CAPN8: variants seen among roughly 807,000 people sequenced by gnomAD.
CAPN8 encodes calpain 8, also known as calpain-8.
A neutral mutation model predicts 80.9 loss-of-function variants in CAPN8; 87 were observed. That is an observed-to-expected ratio of 1.07 (90% CI 0.90 to 1.28). CAPN8 has a LOEUF of 1.28. CAPN8 is among the 50% of genes most tolerant of loss of function. CAPN8 has a pLI of 0.00. For missense variants in CAPN8, 757 were observed against 702.0 expected (o/e 1.08, Z -0.89); for synonymous variants, 299 against 273.8 (o/e 1.09, Z -0.91).
Position 223,622,805 on chromosome 1 carries a change from A to G in CAPN8, c.899+10T>C, listed in dbSNP as rs371398112. Reference sequence around the variant, plus strand: ...AGAGATGACTGGAGAAGCGGGGGAAAAAAACCTACTCATCGCTCCAGGCTC... The same window carrying G: ...AGAGATGACTGGAGAAGCGGGGGAAGAAAACCTACTCATCGCTCCAGGCTC... On this transcript the variant is annotated intron_variant, in intron 7 of 20. Coordinates refer to ENST00000366872, the MANE Select transcript of CAPN8 (RefSeq NM_001143962.2). The G allele has an allele frequency of 2.1e-5, 33 of 1,550,674 alleles. No individual in the cohort carries two copies. In the East Asian group the frequency reaches 2.9e-4, roughly 14 times the overall value.
chr1:223,545,023 C>A lies in CAPN8; in HGVS notation c.1834-173G>T, dbSNP rs573952339. 1.4e-5 allele frequency: 20 copies of A among 1,414,836 alleles called. No individual in the cohort carries two copies. In the South Asian group the frequency reaches 2.0e-4, roughly 14 times the overall value. 87.6% of individuals were successfully genotyped at this position (1,414,836 alleles called of 1,614,324 possible). ...AGCATAAGAGCTTGGCCAGTGCTGG[C>A]CCCTTTGCTGTCTGAACAGCAGGGC... On this transcript the variant is annotated intron_variant, in intron 17 of 20. Transcript: ENST00000366872.
chr1:223,614,201 C>T (rs1376758497), intron 10 of CAPN8, among the ~76,000 whole-genome samples: 1 of 152,134 alleles, frequency 6.6e-6, no homozygotes, highest in Admixed American at 6.5e-5. Context: ...GAATTTGAGA[C>T]CAGCCTGGCC....
intron 14 of CAPN8, among the ~76,000 whole-genome samples, chr1:223,551,351 C>G (rs1018056113): frequency 6.6e-6 from 1 of 152,200 alleles, no homozygotes; most frequent in African/African-American, 2.4e-5. Context: ...CCATGTTGGC[C>G]AGGATGATCT....
intron 14 of CAPN8, among the ~76,000 whole-genome samples, chr1:223,551,255 G>T (rs1436717001): frequency 6.6e-6 from 1 of 152,116 alleles, no homozygotes; most frequent in African/African-American, 2.4e-5. Flanking sequence ...CAATTCTCCT[G>T]CCTCAGCCTC....
intron 2 of CAPN8, among the ~76,000 whole-genome samples, chr1:223,629,123 A>T (rs1348515402): frequency 6.6e-6 from 1 of 151,994 alleles, no homozygotes. Context: ...TTGGTCCCTT[A>T]TTAGCAGCTC....
intron 8 of CAPN8, among the ~76,000 whole-genome samples, chr1:223,619,891 G>T (rs34186371): frequency 6.6e-6 from 1 of 152,042 alleles, no homozygotes; most frequent in Non-Finnish European, 1.5e-5. Context: ...CCATATTGAT[G>T]GTAGGTAAAT....
chr1:223,550,896 C>A (rs1374104744), intron 15 of CAPN8, 64 bp downstream of exon 15: 1 of 704,696 alleles, frequency 1.4e-6, no homozygotes, highest in East Asian at 2.7e-5. Flanking sequence ...GCCTGCCTAC[C>A]CATCCCTCAC....
Position 223,627,996 on chromosome 1 carries a change from T to C in CAPN8, c.560+13A>G. The C allele has an allele frequency of 6.5e-7, 1 of 1,526,988 alleles. No individual in the cohort carries two copies. Among genetic ancestry groups the C allele is most frequent in the South Asian group, 1.2e-5 (1 of 81,920 alleles). 94.6% of individuals were successfully genotyped at this position (1,526,988 alleles called of 1,614,324 possible). A position where few individuals can be genotyped will look rare whatever the true frequency, so the allele number is the denominator to read the frequency against. On this transcript the variant is annotated intron_variant, in intron 4 of 20. Transcript: ENST00000366872. ...GCTCTGGCGTCTCCCAGCTCCTGGC[T>C]TCCCCCACTTACTTGGCATAGGCTT...
At chr1:223,549,177 A>G in intron 16 of CAPN8, 141 bp downstream of exon 16, 2 of 1,103,924 alleles carry the variant, frequency 1.8e-6, no homozygotes, top group Non-Finnish European at 1.3e-6. Flanking sequence ...TTCAAGTACA[A>G]TCCTTGACAT....
intron 11 of CAPN8, 45 bp downstream of exon 11, chr1:223,612,201 G>A (rs1657045685): frequency 8.1e-7 from 1 of 1,233,540 alleles, no homozygotes; most frequent in Non-Finnish European, 1.0e-6. Context: ...AGGCAGCCAA[G>A]CTATTTCTCA....
chr1:223,655,268 T>A (rs1053238828), intron 1 of CAPN8, among the ~76,000 whole-genome samples: 7 of 152,154 alleles, frequency 4.6e-5, no homozygotes, highest in African/African-American at 1.7e-4. Context: ...GTACCATGTA[T>A]CCTGAGATGA....
At chr1:223,546,673 A>G (rs769998265) in intron 16 of CAPN8, among the ~76,000 whole-genome samples, 4 of 152,094 alleles carry the variant, frequency 2.6e-5, no homozygotes, top group Non-Finnish European at 4.4e-5. Flanking sequence ...TAATTATCCC[A>G]TTTTCCAGGA....
intron 2 of CAPN8, among the ~76,000 whole-genome samples, chr1:223,650,484 A>T (rs150918231): frequency 4.6e-5 from 7 of 152,322 alleles, no homozygotes; most frequent in South Asian, 2.1e-4. Context: ...CTTTTCTGAG[A>T]TCTGTAAAAC....
At chr1:223,620,940 T>C (rs1489723154) in intron 7 of CAPN8, among the ~76,000 whole-genome samples, 1 of 147,980 alleles carries the variant, frequency 6.8e-6, no homozygotes, top group Non-Finnish European at 1.5e-5. Context: ...GACATCTAAG[T>C]AACAGAGCAG....
intron 6 of CAPN8, 98 bp from the exon 7 acceptor site, chr1:223,622,998 A>G: frequency 1.0e-6 from 1 of 956,382 alleles, no homozygotes; most frequent in Non-Finnish European, 1.6e-6. Flanking sequence ...AATTTTTCAA[A>G]TGTCCCTAAA....
chr1:223,645,728 A>T (rs1437580237), intron 2 of CAPN8, among the ~76,000 whole-genome samples: 2 of 152,198 alleles, frequency 1.3e-5, no homozygotes, highest in Admixed American at 1.3e-4. Flanking sequence ...ATCAGGGACC[A>T]AGGTTGAGCA....
intron 2 of CAPN8, among the ~76,000 whole-genome samples, chr1:223,649,823 G>A (rs1462655641): frequency 6.6e-6 from 1 of 152,186 alleles, no homozygotes; most frequent in African/African-American, 2.4e-5. Context: ...CTAGGTACCA[G>A]GCACCGTGGA....
chr1:223,640,896 A>C (rs910082047), intron 2 of CAPN8, among the ~76,000 whole-genome samples: 1 of 152,176 alleles, frequency 6.6e-6, no homozygotes, highest in Non-Finnish European at 1.5e-5. Flanking sequence ...GTTGCAAAGT[A>C]ACACTGAACA....
chr1:223,552,516 C>T (rs1558337425), intron 14 of CAPN8, among the ~76,000 whole-genome samples: 1 of 143,296 alleles, frequency 7.0e-6, no homozygotes, highest in South Asian at 2.3e-4. Context: ...GTGAGCCGTG[C>T]ACCACTGCAC....
Sources: gnomAD v4.1 joint callset for allele counts (sites outside exome capture counted in the v4.1 genomes callset) on GRCh38, gnomAD v4.1.1 for gene constraint, MANE v1.5 for transcripts, NCBI Gene and HGNC (gene_info 2026-07-23, HGNC 2026-07-21) for gene names.